DLGAP1: variants seen among roughly 807,000 people sequenced by gnomAD.
DLGAP1 encodes DLG associated protein 1, also known as disks large-associated protein 1.
DLGAP1 carries 11 observed loss-of-function variants against 90.8 expected under a neutral mutation model. That is an observed-to-expected ratio of 0.12 (90% CI 0.08 to 0.20). The LOEUF (loss-of-function observed/expected upper bound fraction) is 0.20, where lower values mean the gene tolerates loss of function less well. Ranked by LOEUF, DLGAP1 falls within the 10% of genes least tolerant of loss-of-function variation. The pLI, the probability that DLGAP1 is intolerant of heterozygous loss-of-function variation, is 1.00. For missense variants in DLGAP1, 1,050 were observed against 1,333.8 expected (o/e 0.79, Z 3.31); for synonymous variants, 558 against 540.7 (o/e 1.03, Z -0.44).
At chr18:3,925,591 G>A (rs1223073214) in intron 3 of DLGAP1, among the ~76,000 whole-genome samples, 1 of 152,078 alleles carries the variant, frequency 6.6e-6, no homozygotes, top group African/African-American at 2.4e-5. Context: ...TGATATGAAA[G>A]TTTATCCAGA....
intron 1 of DLGAP1, among the ~76,000 whole-genome samples, chr18:4,239,237 G>T (rs1307293363): frequency 3.9e-5 from 6 of 152,182 alleles, no homozygotes; most frequent in Non-Finnish European, 1.5e-5. Flanking sequence ...GCTTTACAAT[G>T]TCATCAAGCA....
At chr18:3,991,782 G>C (rs2073973847) in intron 3 of DLGAP1, among the ~76,000 whole-genome samples, 1 of 152,176 alleles carries the variant, frequency 6.6e-6, no homozygotes, top group African/African-American at 2.4e-5. Flanking sequence ...CACACAAAAA[G>C]AAAACTGCAT....
chr18:3,581,825 T>G, intron 8 of DLGAP1, 50 bp downstream of exon 8: 1 of 1,592,562 alleles, frequency 6.3e-7, no homozygotes, highest in Middle Eastern at 1.8e-4. Context: ...AAGTGTTACA[T>G]TCCTTAGTTT....
At chr18:3,824,140 T>C (rs2067584602) in intron 4 of DLGAP1, among the ~76,000 whole-genome samples, 1 of 152,132 alleles carries the variant, frequency 6.6e-6, no homozygotes, top group South Asian at 2.1e-4. Context: ...TAGCTTTCCA[T>C]TATTGTTATA....
intron 1 of DLGAP1, among the ~76,000 whole-genome samples, chr18:4,388,126 A>G (rs2082272949): frequency 6.6e-6 from 1 of 152,114 alleles, no homozygotes; most frequent in Admixed American, 6.5e-5. Context: ...CTAAAGTCAT[A>G]TTTAAATCTT....
At chr18:4,296,124 C>G (rs760970448) in intron 1 of DLGAP1, among the ~76,000 whole-genome samples, 1 of 152,190 alleles carries the variant, frequency 6.6e-6, no homozygotes, top group Non-Finnish European at 1.5e-5. Flanking sequence ...AAGCAACCTT[C>G]TATGAATCTA....
At position 3,923,065 on chromosome 18, in the gene DLGAP1, C is replaced by T. The variant is rs144787533; in HGVS notation, c.-72-42925G>A. ...GAGAGGATCACTTGAACCCAGGAGG[C>T]GGAGGTTGCAGTGAGCCAAGACTGT... On this transcript the variant is annotated intron_variant, in intron 3 of 12. Coordinates refer to ENST00000315677, the MANE Select transcript of DLGAP1 (RefSeq NM_004746.4). 3.9e-3 allele frequency among the ~76,000 whole-genome samples: 522 copies of T among 134,044 alleles called. 1 individual carries two copies. The highest frequency in any genetic ancestry group is 6.4e-3 in the Non-Finnish European group (418 of 64,904). The allele number at this position is 134,044 out of a possible 152,430, so 87.9% of individuals were successfully genotyped here. A position where few individuals can be genotyped will look rare whatever the true frequency, so the allele number is the denominator to read the frequency against.
intron 2 of DLGAP1, among the ~76,000 whole-genome samples, chr18:4,044,338 G>A (rs9951498): frequency 0.84 from 127,524 of 152,248 alleles, 53,700 homozygotes; most frequent in African/African-American, 0.93. Flanking sequence ...AAAAAGCCAC[G>A]GGGAACATCT....
intron 3 of DLGAP1, among the ~76,000 whole-genome samples, chr18:3,924,217 G>A (rs989761304): frequency 2.0e-5 from 3 of 152,212 alleles, no homozygotes; most frequent in African/African-American, 7.2e-5. Context: ...TGCCCCAGTG[G>A]AAAGAAGTGA....
At chr18:3,755,344 T>C (rs1269087129) in intron 5 of DLGAP1, among the ~76,000 whole-genome samples, 2 of 152,112 alleles carry the variant, frequency 1.3e-5, no homozygotes, top group Non-Finnish European at 2.9e-5. Flanking sequence ...AAGGCTGAGA[T>C]TGTCAGACTG....
chr18:3,754,030 C>T (rs563361477), intron 5 of DLGAP1, among the ~76,000 whole-genome samples: 2 of 152,146 alleles, frequency 1.3e-5, no homozygotes, highest in Non-Finnish European at 2.9e-5. Context: ...GACAGGGTCT[C>T]ACTCCCATCA....
In DLGAP1 at chr18:3,930,155, A is replaced by G. The variant is rs560921243; in HGVS notation, c.-72-50015T>C. Among the ~76,000 whole-genome samples the G allele has an allele frequency of 4.6e-5, 7 of 152,344 alleles. No individual in the cohort carries two copies. In the East Asian group the frequency reaches 1.2e-3, roughly 25 times the overall value. Reference sequence around the variant, plus strand: ...ATACTTTTTTATTTCTAATGAGGATAATATTTTATGTGCTGTGTGGGCCAT... The same window carrying G: ...ATACTTTTTTATTTCTAATGAGGATGATATTTTATGTGCTGTGTGGGCCAT... On this transcript the variant is annotated intron_variant, in intron 3 of 12. Transcript: ENST00000315677.
chr18:4,191,912 C>T (rs1008010413), intron 1 of DLGAP1, among the ~76,000 whole-genome samples: 2 of 152,124 alleles, frequency 1.3e-5, no homozygotes, highest in Non-Finnish European at 2.9e-5. Flanking sequence ...TATCTGTCCT[C>T]CAAACCTACC....
intron 9 of DLGAP1, among the ~76,000 whole-genome samples, chr18:3,559,559 C>G (rs1307455976): frequency 6.8e-6 from 1 of 147,368 alleles, no homozygotes; most frequent in Non-Finnish European, 1.5e-5. Flanking sequence ...TTTCTTTTAC[C>G]TCTTTTTAGT....
At chr18:3,920,280 T>C (rs1445961820) in intron 3 of DLGAP1, among the ~76,000 whole-genome samples, 8 of 149,398 alleles carry the variant, frequency 5.4e-5, no homozygotes, top group Admixed American at 4.7e-4. Flanking sequence ...GAAGCAGAGG[T>C]TGCAGTGAGC....
intron 1 of DLGAP1, among the ~76,000 whole-genome samples, chr18:4,357,144 CTTTG>C (rs1231408996): frequency 2.7e-4 from 38 of 138,792 alleles, no homozygotes; most frequent in African/African-American, 8.7e-4. Flanking sequence ...TGTTCTTTCT[CTTTG>C]TTTTTTTCCT....
chr18:3,770,518 A>G (rs369520533), intron 5 of DLGAP1, among the ~76,000 whole-genome samples: 174 of 152,280 alleles, frequency 1.1e-3, no homozygotes, highest in African/African-American at 4.0e-3. Context: ...GCCATGAAAC[A>G]CAGATGAATG....
At chr18:3,848,416 A>C (rs1282589608) in intron 4 of DLGAP1, among the ~76,000 whole-genome samples, 1 of 152,170 alleles carries the variant, frequency 6.6e-6, no homozygotes, top group Non-Finnish European at 1.5e-5. Flanking sequence ...CATGGTAAAG[A>C]GAAATTTGAA....
At chr18:4,253,402 T>C (rs1381648750) in intron 1 of DLGAP1, among the ~76,000 whole-genome samples, 1 of 152,176 alleles carries the variant, frequency 6.6e-6, no homozygotes, top group Non-Finnish European at 1.5e-5. Flanking sequence ...TAGAACTATC[T>C]TATTTTATTT....
Sources: allele counts gnomAD v4.1 joint callset (sites outside exome capture counted in the v4.1 genomes callset), GRCh38; gene constraint gnomAD v4.1.1; transcripts MANE v1.5; gene names NCBI Gene and HGNC (gene_info 2026-07-23, HGNC 2026-07-21).